The following RALGAPA2 variants were observed in gnomAD, a reference collection of about 807,000 sequenced individuals.
RALGAPA2 encodes the protein ral GTPase-activating protein subunit alpha-2.
RALGAPA2 carries 139 observed loss-of-function variants against 230.4 expected under a neutral mutation model. The observed-to-expected ratio is 0.60, with a 90% CI of 0.53 to 0.69. The LOEUF (loss-of-function observed/expected upper bound fraction) is 0.69, where lower values mean the gene tolerates loss of function less well. Among genes scored for constraint, RALGAPA2 ranks in the 30% least tolerant of loss-of-function variants. RALGAPA2 has a pLI of 0.00. For missense variants in RALGAPA2, 2,163 were observed against 2,276.0 expected, an observed-to-expected ratio of 0.95 and a Z score of 1.01; for synonymous variants, 847 against 837.8, an observed-to-expected ratio of 1.01 and a Z score of -0.19.
At chr20:20,476,896 A>T (rs1020155405) in intron 36 of RALGAPA2, among the ~76,000 whole-genome samples, 2 of 152,176 alleles carry the variant, frequency 1.3e-5, no homozygotes, top group African/African-American at 4.8e-5. Context: ...AACGAAAATG[A>T]ACAAACCACA....
intron 11 of RALGAPA2, 124 bp downstream of exon 11, chr20:20,620,339 G>A (rs1289876241): frequency 1.0e-6 from 1 of 967,328 alleles, no homozygotes; most frequent in Non-Finnish European, 1.5e-6. Context: ...CAACTCAGAA[G>A]CATCAGATGG....
intron 36 of RALGAPA2, among the ~76,000 whole-genome samples, chr20:20,474,441 C>A (rs1030072402): frequency 6.6e-6 from 1 of 152,182 alleles, no homozygotes; most frequent in Non-Finnish European, 1.5e-5. Flanking sequence ...ATCTAAAATA[C>A]ATTTTAAAGG....
chr20:20,602,632 A>C (rs1323021218), intron 15 of RALGAPA2, among the ~76,000 whole-genome samples: 1 of 152,218 alleles, frequency 6.6e-6, no homozygotes. Context: ...TCTATAATAA[A>C]TATTTAAATC....
Position 20,503,251 on chromosome 20 carries a change from A to T in RALGAPA2, c.5208+100T>A. ...TCTCAGGGTCGTAGAGTTCAGAGAA[A>T]CCATCTCAGTGTGCGTTCTACCCTT... On this transcript the variant is annotated intron_variant, in intron 35 of 39. Transcript: ENST00000202677. 1.0e-5 allele frequency: 12 copies of T among 1,145,314 alleles called. No individual in the cohort carries two copies. In the South Asian group the frequency reaches 2.8e-4, roughly 27 times the overall value. The allele number at this position is 1,145,314 out of a possible 1,614,324, so 70.9% of individuals were successfully genotyped here.
At chr20:20,627,644 C>G (rs1302651095) in intron 10 of RALGAPA2, among the ~76,000 whole-genome samples, 2 of 152,200 alleles carry the variant, frequency 1.3e-5, no homozygotes, top group Non-Finnish European at 2.9e-5. Context: ...ATCATGATCC[C>G]GAGAGGGCAC....
At chr20:20,532,772 C>T (rs1193613225) in intron 26 of RALGAPA2, among the ~76,000 whole-genome samples, 3 of 152,076 alleles carry the variant, frequency 2.0e-5, no homozygotes, top group Non-Finnish European at 2.9e-5. Flanking sequence ...CTAAGCCCTG[C>T]GTCACTCTAA....
chr20:20,549,694 C>T (rs558270161), intron 23 of RALGAPA2, among the ~76,000 whole-genome samples: 43 of 152,254 alleles, frequency 2.8e-4, no homozygotes, highest in Admixed American at 3.3e-4. Flanking sequence ...AAAGAAGAGC[C>T]GCTGCATATT....
intron 37 of RALGAPA2, among the ~76,000 whole-genome samples, chr20:20,453,874 T>C (rs780098168): frequency 6.6e-6 from 1 of 152,224 alleles, no homozygotes; most frequent in Non-Finnish European, 1.5e-5. Context: ...CTTTTCAGAA[T>C]TGGTGTCTAG....
At chr20:20,618,015 G>T (rs917537545) in intron 12 of RALGAPA2, among the ~76,000 whole-genome samples, 1 of 152,028 alleles carries the variant, frequency 6.6e-6, no homozygotes, top group African/African-American at 2.4e-5. Context: ...CTTTAAGCAA[G>T]ATATAAAAAA....
chr20:20,394,391 G>C (rs1432637119), intron 39 of RALGAPA2, among the ~76,000 whole-genome samples: 3 of 152,120 alleles, frequency 2.0e-5, no homozygotes, highest in African/African-American at 4.8e-5. Context: ...TTTAAAACAG[G>C]CTGCAGCCGG....
chr20:20,510,422 A>T (rs1259555684), intron 33 of RALGAPA2, among the ~76,000 whole-genome samples: 1 of 152,198 alleles, frequency 6.6e-6, no homozygotes. Flanking sequence ...GTAGTGAAAA[A>T]ATATAGTGTG....
chr20:20,551,449 G>GTGAA, intron 23 of RALGAPA2, among the ~76,000 whole-genome samples: 1 of 152,334 alleles, frequency 6.6e-6, no homozygotes, highest in Admixed American at 6.5e-5. Context: ...AAAAGTCCAA[G>GTGAA]TGAATACTAT....
chr20:20,676,093 G>GT, intron 3 of RALGAPA2, 143 bp downstream of exon 3: 1 of 566,824 alleles, frequency 1.8e-6, no homozygotes, highest in South Asian at 2.9e-5. Context: ...TTGTAAAAGT[G>GT]GGAGGGTGGG....
At chr20:20,586,709 TA>T (rs2065144235) in intron 18 of RALGAPA2, among the ~76,000 whole-genome samples, 1 of 152,056 alleles carries the variant, frequency 6.6e-6, no homozygotes, top group African/African-American at 2.4e-5. Context: ...ATTGCTAAAC[TA>T]AAAAATTCAA....
At chr20:20,643,105 A>T (rs1334600263) in intron 5 of RALGAPA2, among the ~76,000 whole-genome samples, 1 of 152,198 alleles carries the variant, frequency 6.6e-6, no homozygotes, top group Non-Finnish European at 1.5e-5. Context: ...TTAATTAGAG[A>T]CAACTATAAT....
intron 37 of RALGAPA2, among the ~76,000 whole-genome samples, chr20:20,459,425 C>CTTTTTTTTTT (rs11476592): frequency 7.7e-6 from 1 of 129,614 alleles, no homozygotes. Flanking sequence ...GGTTTTTTTG[C>CTTTTTTTTTT]TTTTTTTTTT....
intron 23 of RALGAPA2, among the ~76,000 whole-genome samples, chr20:20,547,315 G>A (rs1377376217): frequency 2.6e-5 from 4 of 152,228 alleles, no homozygotes; most frequent in Non-Finnish European, 5.9e-5. Context: ...GGAATATGCA[G>A]AGTGCTAAGG....
chr20:20,457,031 G>A (rs1458178587), intron 37 of RALGAPA2, among the ~76,000 whole-genome samples: 1 of 152,134 alleles, frequency 6.6e-6, no homozygotes, highest in African/African-American at 2.4e-5. Flanking sequence ...AGAAGACAAT[G>A]TTAGGACTTC....
At chr20:20,627,697 G>A (rs6137083) in intron 10 of RALGAPA2, among the ~76,000 whole-genome samples, 1 of 152,238 alleles carries the variant, frequency 6.6e-6, no homozygotes, top group African/African-American at 2.4e-5. Flanking sequence ...GCTGTGCTCA[G>A]GTGTAACCGG....
Sources: gnomAD v4.1 joint callset for allele counts (sites outside exome capture counted in the v4.1 genomes callset) on GRCh38, gnomAD v4.1.1 for gene constraint, MANE v1.5 for transcripts, NCBI Gene and HGNC (gene_info 2026-07-23, HGNC 2026-07-21) for gene names.